The following CCDC171 variants were observed in gnomAD, a reference collection of about 807,000 sequenced individuals.
CCDC171 encodes the protein coiled-coil domain-containing protein 171.
A neutral mutation model predicts 168.2 loss-of-function variants in CCDC171; 177 were observed. The observed-to-expected ratio is 1.05, with a 90% CI of 0.93 to 1.19. The LOEUF is 1.19. Ranked by LOEUF, CCDC171 falls within the 50% of genes most tolerant of loss-of-function variation. The pLI, the probability that CCDC171 is intolerant of heterozygous loss-of-function variation, is 0.00. For missense variants in CCDC171, 1,991 were observed against 1,539.0 expected (o/e 1.29, Z -4.91); for synonymous variants, 687 against 540.8 (o/e 1.27, Z -3.75).
intron 21 of CCDC171, among the ~76,000 whole-genome samples, chr9:15,789,925 A>G (rs1056342608): frequency 6.6e-6 from 1 of 152,148 alleles, no homozygotes; most frequent in African/African-American, 2.4e-5. Context: ...TATAAAGGAC[A>G]TGAACTCATC....
intron 23 of CCDC171, 128 bp downstream of exon 23, chr9:15,849,075 A>G (rs2061019088): frequency 9.6e-6 from 5 of 519,964 alleles, no homozygotes; most frequent in Non-Finnish European, 1.0e-5. Flanking sequence ...GATGCTTTGT[A>G]GATGACTGGA....
At chr9:15,938,272 G>A (rs956856570) in intron 25 of CCDC171, among the ~76,000 whole-genome samples, 8 of 151,738 alleles carry the variant, frequency 5.3e-5, no homozygotes, top group African/African-American at 1.9e-4. Flanking sequence ...ACTAAAGATG[G>A]GAATAGATTT....
intron 11 of CCDC171, among the ~76,000 whole-genome samples, chr9:15,704,710 G>A (rs992029996): frequency 1.3e-5 from 2 of 152,028 alleles, no homozygotes; most frequent in Non-Finnish European, 2.9e-5. Context: ...GAAACTTTCC[G>A]ATGCACATGT....
At position 15,817,571 on chromosome 9, in the gene CCDC171, C is replaced by G. The variant is rs914532908; in HGVS notation, c.3268-29131C>G. Among the ~76,000 whole-genome samples the G allele has an allele frequency of 1.3e-4, 16 of 118,560 alleles. 4 individuals carry two copies. Among genetic ancestry groups the G allele is most frequent in the Non-Finnish European group, 2.1e-4 (11 of 52,510 alleles). 77.8% of individuals were successfully genotyped at this position (118,560 alleles called of 152,430 possible). Reference sequence around the variant, plus strand: ...TATCCAGCACCTGGCTTGGAGGGTCCTACGCCCACGGAGCCTCGCTCATTG... The same window carrying G: ...TATCCAGCACCTGGCTTGGAGGGTCGTACGCCCACGGAGCCTCGCTCATTG... On this transcript the variant is annotated intron_variant, in intron 21 of 25. Coordinates refer to ENST00000380701, the MANE Select transcript of CCDC171 (RefSeq NM_173550.4).
intron 23 of CCDC171, among the ~76,000 whole-genome samples, chr9:15,858,204 G>C (rs7024165): frequency 5.5e-4 from 83 of 151,928 alleles, no homozygotes; most frequent in African/African-American, 1.9e-3. Flanking sequence ...ATTTTTAGTA[G>C]AGATGGGGTT....
chr9:15,695,548 A>G (rs758469798), intron 11 of CCDC171, among the ~76,000 whole-genome samples: 4 of 152,124 alleles, frequency 2.6e-5, no homozygotes, highest in African/African-American at 9.7e-5. Flanking sequence ...CCAGAACTTG[A>G]TTTACAAGTG....
chr9:15,721,781 A>C lies in CCDC171; in HGVS notation c.1331A>C (p.Asp444Ala), dbSNP rs1203037435. The change falls in exon 12 of 26, where the codon GAC (aspartate) becomes GCC (alanine). Residue 444 changes from aspartate (D) to alanine (A), a missense_variant. Coordinates refer to ENST00000380701, the MANE Select transcript of CCDC171 (RefSeq NM_173550.4). ...SGQWTSGIHK[D>A]KDKPPSFSVV... The stretch of plus-strand genomic sequence containing the variant: ...TATTTTTCTCTAGGCATCCACAAGG[A>C]CAAAGATAAACCTCCCAGCTTCTCT... The C allele has an allele frequency of 3.9e-6, 6 of 1,553,222 alleles. No homozygotes were observed. Among genetic ancestry groups the C allele is most frequent in the Non-Finnish European group, 5.2e-6 (6 of 1,149,748 alleles).
exon 2 of CCDC171, chr9:16,060,845 C>G (rs1307069344): frequency 4.6e-5 from 7 of 152,232 alleles, no homozygotes; most frequent in Admixed American, 4.6e-4. Flanking sequence ...TTTTCAAAAG[C>G]CAACACAAAA....
chr9:15,888,241 C>T (rs149035750), intron 24 of CCDC171, among the ~76,000 whole-genome samples: 1 of 152,094 alleles, frequency 6.6e-6, no homozygotes, highest in Admixed American at 6.6e-5. Flanking sequence ...TTTTCACATC[C>T]TGACTTAATT....
chr9:15,557,224 G>A (rs1356056305), intron 1 of CCDC171, among the ~76,000 whole-genome samples: 1 of 152,116 alleles, frequency 6.6e-6, no homozygotes, highest in Non-Finnish European at 1.5e-5. Context: ...GGCAATGTGG[G>A]CTCTTTTTTG....
intron 9 of CCDC171, among the ~76,000 whole-genome samples, chr9:15,670,298 A>G (rs2049022532): frequency 6.6e-6 from 1 of 152,212 alleles, no homozygotes; most frequent in South Asian, 2.1e-4. Flanking sequence ...GTGTGTAATG[A>G]CAGATGCACT....
chr9:15,852,418 AATTGGGTTG>A (rs1051441118), intron 23 of CCDC171, among the ~76,000 whole-genome samples: 3 of 151,558 alleles, frequency 2.0e-5, no homozygotes, highest in Non-Finnish European at 3.0e-5. Context: ...CCCGTTTTTA[AATTGGGTTG>A]ATTGTCTTTT....
intron 7 of CCDC171, among the ~76,000 whole-genome samples, chr9:15,634,208 CA>C (rs975192972): frequency 2.5e-4 from 38 of 149,348 alleles, no homozygotes; most frequent in Non-Finnish European, 4.2e-4. Context: ...CCCAAACACA[CA>C]AAAAAAAGAA....
intron 11 of CCDC171, among the ~76,000 whole-genome samples, 165 bp from the exon 12 acceptor site, chr9:15,721,604 T>TTGA (rs754222275): frequency 8.5e-4 from 125 of 146,362 alleles, no homozygotes; most frequent in Non-Finnish European, 1.1e-3. Context: ...AATAAAATTC[T>TTGA]ATTCAAGAAT....
At chr9:15,706,855 A>G (rs2052281553) in intron 11 of CCDC171, among the ~76,000 whole-genome samples, 1 of 152,196 alleles carries the variant, frequency 6.6e-6, no homozygotes, top group Non-Finnish European at 1.5e-5. Context: ...ATCCCAGGAA[A>G]TAAAAGCAGT....
the CCDC171 span, among the ~76,000 whole-genome samples, chr9:16,100,022 A>G: frequency 1.3e-5 from 2 of 152,224 alleles, no homozygotes; most frequent in South Asian, 2.1e-4. Context: ...AAAAAGAAAA[A>G]TCTAATCCAG....
chr9:15,886,264 A>G (rs141814445), intron 24 of CCDC171: 3 of 152,294 alleles, frequency 2.0e-5, no homozygotes, highest in African/African-American at 7.2e-5. Context: ...CAAAATATAT[A>G]AGGAACTCAT....
chr9:16,054,911 G>A (rs1232091158), intron 1 of CCDC171, among the ~76,000 whole-genome samples: 2 of 152,196 alleles, frequency 1.3e-5, no homozygotes, highest in Admixed American at 1.3e-4. Flanking sequence ...CACGCAGGGC[G>A]GGGGGCAGGT....
chr9:16,082,452 G>A, the CCDC171 span, among the ~76,000 whole-genome samples: 1 of 152,088 alleles, frequency 6.6e-6, no homozygotes, highest in Non-Finnish European at 1.5e-5. Context: ...TGGTAGCCCG[G>A]GGTTTCCTGA....
Sources: gnomAD v4.1 joint callset for allele counts (sites outside exome capture counted in the v4.1 genomes callset) on GRCh38, gnomAD v4.1.1 for gene constraint, MANE v1.5 for transcripts, NCBI Gene and HGNC (gene_info 2026-07-23, HGNC 2026-07-21) for gene names.